Variants in PDE5A observed in about 807,000 individuals in gnomAD.
The protein encoded by PDE5A is phosphodiesterase 5A.
In PDE5A, 67 loss-of-function variants were observed where a neutral mutation model predicts 110.2. The observed-to-expected ratio is 0.61, with a 90% CI of 0.50 to 0.75. The LOEUF is 0.75. Ranked by LOEUF, PDE5A falls within the 30% of genes least tolerant of loss-of-function variation. The probability of loss-of-function intolerance (pLI) is 0.00; values close to 1 mark genes in which losing one functional copy is unlikely to be tolerated. For synonymous variants in PDE5A, 328 were observed against 351.2 expected, an observed-to-expected ratio of 0.93 and a Z score of 0.74; for missense variants, 862 against 1,045.1, an observed-to-expected ratio of 0.82 and a Z score of 2.42.
intron 1 of PDE5A, among the ~76,000 whole-genome samples, chr4:119,621,572 T>C (rs758584802): frequency 6.6e-5 from 10 of 151,746 alleles, no homozygotes; most frequent in African/African-American, 1.9e-4. Context: ...GACAGATAAA[T>C]AGATGCAAGG....
At chr4:119,576,279 G>A (rs1226750854) in intron 3 of PDE5A, among the ~76,000 whole-genome samples, 5 of 152,144 alleles carry the variant, frequency 3.3e-5, no homozygotes, top group Non-Finnish European at 5.9e-5. Flanking sequence ...ACAGATGAAC[G>A]AGACAGAGAG....
chr4:119,540,136 A>AT (rs35595874), intron 10 of PDE5A, among the ~76,000 whole-genome samples: 3 of 152,042 alleles, frequency 2.0e-5, no homozygotes, highest in Admixed American at 2.0e-4. Context: ...TTTAAAGTTC[A>AT]TTTTTGAGAG....
intron 3 of PDE5A, among the ~76,000 whole-genome samples, chr4:119,569,213 A>C (rs1241438519): frequency 6.6e-6 from 1 of 151,870 alleles, no homozygotes; most frequent in East Asian, 1.9e-4. Context: ...AAATTTTAAA[A>C]ATTTTTTTGT....
At position 119,603,181 on chromosome 4, in the gene PDE5A, T is replaced by C. The variant is rs537268333; in HGVS notation, c.741+3528A>G. On this transcript the variant is annotated intron_variant, in intron 2 of 20. Coordinates refer to ENST00000354960, the MANE Select transcript of PDE5A (RefSeq NM_001083.4). ...ACTATTAATAGCTTCTTAGTATAAG[T>C]GTTAATATCTTATTAATAAATGTGT... Among the ~76,000 whole-genome samples, 3 of 152,294 alleles carry C rather than the reference T, an allele frequency of 2.0e-5. No homozygotes were observed. In the South Asian group the frequency reaches 6.2e-4, roughly 32 times the overall value.
intron 3 of PDE5A, among the ~76,000 whole-genome samples, chr4:119,588,391 G>A (rs1728845436): frequency 6.6e-6 from 1 of 151,774 alleles, no homozygotes. Flanking sequence ...TGGCCAGGCT[G>A]ATCTTGAACT....
chr4:119,587,664 G>A (rs571061553), intron 3 of PDE5A, among the ~76,000 whole-genome samples: 1 of 152,326 alleles, frequency 6.6e-6, no homozygotes, highest in South Asian at 2.1e-4. Flanking sequence ...GATTACAGGT[G>A]TGAGCCACCA....
intron 4 of PDE5A, among the ~76,000 whole-genome samples, chr4:119,566,590 A>G (rs1419892005): frequency 6.6e-6 from 1 of 152,136 alleles, no homozygotes; most frequent in Non-Finnish European, 1.5e-5. Context: ...CTAAATTTAC[A>G]TCATCCAGCC....
chr4:119,502,650 T>C lies in PDE5A; in HGVS notation c.2337A>G (p.Ala779=). 2 of 1,599,008 alleles carry C rather than the reference T, an allele frequency of 1.3e-6. No individual in the cohort carries two copies. The highest frequency in any genetic ancestry group is 1.7e-6 in the Non-Finnish European group (2 of 1,167,016). ...CAAAAAATTCAGTTGCTACAAGTTC[T>C]GCTATCTGAAATAAATAACAGACTC... ...TKPWPIQQRI[A]ELVATEFFDQ... The change falls in exon 19 of 21, where the codon GCA becomes GCG. Residue 779 remains alanine (A), a synonymous_variant. Coordinates refer to ENST00000354960, the MANE Select transcript of PDE5A (RefSeq NM_001083.4).
At chr4:119,531,643 C>T (rs1267915784) in intron 11 of PDE5A, among the ~76,000 whole-genome samples, 17 of 151,958 alleles carry the variant, frequency 1.1e-4, no homozygotes, top group Non-Finnish European at 7.4e-5. Flanking sequence ...AGGCTTGGAA[C>T]ATCATAGGAA....
At chr4:119,544,757 C>T (rs1727075255) in intron 9 of PDE5A, among the ~76,000 whole-genome samples, 1 of 152,182 alleles carries the variant, frequency 6.6e-6, no homozygotes, top group Non-Finnish European at 1.5e-5. Flanking sequence ...ATCTGCGAGG[C>T]TTATGACCTA....
chr4:119,587,379 A>ATT (rs5861433), intron 3 of PDE5A, among the ~76,000 whole-genome samples: 5 of 139,128 alleles, frequency 3.6e-5, no homozygotes, highest in Admixed American at 7.2e-5. Flanking sequence ...ATTTTTTTGT[A>ATT]TTTTTTTTTT....
intron 1 of PDE5A, among the ~76,000 whole-genome samples, chr4:119,612,463 C>T (rs956420298): frequency 2.6e-5 from 4 of 152,218 alleles, no homozygotes; most frequent in African/African-American, 9.6e-5. Flanking sequence ...CAGGTTTCCA[C>T]TTCACTTTCC....
At chr4:119,541,574 TATATA>T (rs1228273599) in intron 10 of PDE5A, among the ~76,000 whole-genome samples, 4 of 152,136 alleles carry the variant, frequency 2.6e-5, no homozygotes, top group Admixed American at 1.3e-4. Flanking sequence ...TGGTATATTT[TATATA>T]ATATATGTCT....
intron 3 of PDE5A, among the ~76,000 whole-genome samples, chr4:119,594,304 A>T (rs1456089219): frequency 6.6e-6 from 1 of 152,198 alleles, no homozygotes; most frequent in African/African-American, 2.4e-5. Context: ...GAAATTGTTC[A>T]CACTATCTAG....
intron 6 of PDE5A, among the ~76,000 whole-genome samples, chr4:119,561,302 C>T (rs1727739344): frequency 6.6e-6 from 1 of 152,160 alleles, no homozygotes; most frequent in South Asian, 2.1e-4. Flanking sequence ...CACCTTTGCT[C>T]ATGTTGTTGA....
chr4:119,539,151 T>C (rs1552095), intron 10 of PDE5A, 132 bp from the exon 11 acceptor site: 194,217 of 724,076 alleles, frequency 0.27, 26,903 homozygotes, highest in East Asian at 0.35. Context: ...AAATCTTGTT[T>C]GCTGTTTTCT....
chr4:119,519,220 C>CT (rs1337433269), intron 13 of PDE5A, 81 bp from the exon 14 acceptor site: 55 of 1,006,664 alleles, frequency 5.5e-5, no homozygotes, highest in Middle Eastern at 4.0e-4. Flanking sequence ...TTTCAGTAAT[C>CT]TTTTTTTTCC....
rs778103038 is a variant in PDE5A, at chr4:119,525,643, C to T, written c.1685G>A (p.Ser562Asn). Residue 562 changes from serine to asparagine, a missense_variant, in exon 12 of 21, where the codon AGT (serine) becomes AAT (asparagine). Transcript: ENST00000354960. The surrounding 1 kb of genome is among the most constrained non-coding windows in gnomAD (Gnocchi z 4.3). ...TTCCAGATCAGACAGCTCAAAGTCA[C>T]TGAAGCTAAAGTCAGTAATTTTAAG... ...QTLKITDFSFSDFELSDLETA... is the reference protein window; with the variant it reads ...QTLKITDFSFNDFELSDLETA... The T allele has an allele frequency of 3.7e-6, 6 of 1,613,118 alleles. No individual in the cohort carries two copies. In the East Asian group the frequency reaches 1.1e-4, roughly 30 times the overall value.
intron 1 of PDE5A, among the ~76,000 whole-genome samples, chr4:119,621,679 G>A (rs935798331): frequency 1.3e-5 from 2 of 152,128 alleles, no homozygotes; most frequent in Non-Finnish European, 2.9e-5. Context: ...GATAGACACA[G>A]AGACAGACAG....
Sources: allele counts gnomAD v4.1 joint callset (sites outside exome capture counted in the v4.1 genomes callset), GRCh38; gene constraint gnomAD v4.1.1; non-coding constraint Gnocchi (gnomAD v3.1); transcripts MANE v1.5; gene names NCBI Gene and HGNC (gene_info 2026-07-23, HGNC 2026-07-21).